ROBO1: variants seen among roughly 807,000 people sequenced by gnomAD.
ROBO1 encodes roundabout homolog 1.
A neutral mutation model predicts 195.9 loss-of-function variants in ROBO1; 149 were observed. That is an observed-to-expected ratio of 0.76 (90% CI 0.67 to 0.87). The LOEUF is 0.87. Among genes scored for constraint, ROBO1 ranks in the 40% least tolerant of loss-of-function variants. The pLI is 0.00. For synonymous variants in ROBO1, 816 were observed against 733.2 expected, an observed-to-expected ratio of 1.11 and a Z score of -1.82; for missense variants, 1,933 against 2,068.3, an observed-to-expected ratio of 0.93 and a Z score of 1.27.
At chr3:78,707,274 G>C (rs2081575984) in intron 8 of ROBO1, among the ~76,000 whole-genome samples, 1 of 152,092 alleles carries the variant, frequency 6.6e-6, no homozygotes, top group Non-Finnish European at 1.5e-5. Flanking sequence ...AGACAGCACG[G>C]GGCTTTTTTT....
chr3:79,736,146 GA>G (rs1321978377), intron 1 of ROBO1, among the ~76,000 whole-genome samples: 1 of 152,138 alleles, frequency 6.6e-6, no homozygotes, highest in East Asian at 1.9e-4. Flanking sequence ...TGAATGATAA[GA>G]AAAACCATCC....
intron 2 of ROBO1, among the ~76,000 whole-genome samples, chr3:79,567,951 T>C (rs572804634): frequency 4.6e-5 from 7 of 152,186 alleles, no homozygotes; most frequent in Non-Finnish European, 8.8e-5. Flanking sequence ...GATTTTATTA[T>C]ACCAATCTTT....
At chr3:79,391,921 C>G (rs2036966459) in intron 2 of ROBO1, among the ~76,000 whole-genome samples, 1 of 152,176 alleles carries the variant, frequency 6.6e-6, no homozygotes, top group African/African-American at 2.4e-5. Context: ...AGTATCACTT[C>G]TCCCTCGATT....
intron 3 of ROBO1, among the ~76,000 whole-genome samples, chr3:78,962,441 G>A (rs2041400491): frequency 6.6e-6 from 1 of 152,146 alleles, no homozygotes; most frequent in Admixed American, 6.5e-5. Context: ...AATTTGCAGT[G>A]AGCTGAGAGT....
intron 1 of ROBO1, among the ~76,000 whole-genome samples, chr3:79,720,209 A>G (rs1432600807): frequency 6.6e-6 from 1 of 152,186 alleles, no homozygotes; most frequent in Non-Finnish European, 1.5e-5. Flanking sequence ...GCTATGTCAT[A>G]AGAAGTTTTG....
intron 3 of ROBO1, among the ~76,000 whole-genome samples, chr3:78,975,706 T>C (rs1299690704): frequency 1.3e-5 from 2 of 152,176 alleles, no homozygotes; most frequent in East Asian, 1.9e-4. Flanking sequence ...AAATGAGCAA[T>C]GTTGAGGTCA....
chr3:78,672,351 G>A (rs915336168), intron 10 of ROBO1, among the ~76,000 whole-genome samples: 2 of 152,018 alleles, frequency 1.3e-5, no homozygotes, highest in Non-Finnish European at 1.5e-5. Flanking sequence ...GGCCAAGTAA[G>A]GTGGATTGCT....
rs2108495175 is a variant in ROBO1, at chr3:79,094,016, A to G, written c.172+31440T>C. ...TGGGTCACTTTTGGGCAGTAGCTTC[A>G]AGGGCACCATATGTGTAACCAAATT... On this transcript the variant is annotated intron_variant, in intron 3 of 30. Coordinates refer to ENST00000464233, the MANE Select transcript of ROBO1 (RefSeq NM_002941.4). Among the ~76,000 whole-genome samples the G allele has an allele frequency of 1.3e-5, 2 of 152,210 alleles. 1 individual carries two copies. Among genetic ancestry groups the G allele is most frequent in the African/African-American group, 4.8e-5 (2 of 41,544 alleles).
At chr3:79,677,259 G>A (rs1946810428) in intron 1 of ROBO1, among the ~76,000 whole-genome samples, 2 of 152,032 alleles carry the variant, frequency 1.3e-5, no homozygotes, top group Admixed American at 1.3e-4. Context: ...TTTGATGTAA[G>A]AAGCTGTGTT....
At chr3:79,428,280 C>T (rs907423262) in intron 2 of ROBO1, among the ~76,000 whole-genome samples, 2 of 151,700 alleles carry the variant, frequency 1.3e-5, no homozygotes, top group African/African-American at 4.8e-5. Context: ...TATGTACCCA[C>T]AAAAATTAAA....
intron 4 of ROBO1, among the ~76,000 whole-genome samples, chr3:78,920,589 G>A (rs1168847112): frequency 6.8e-6 from 1 of 146,236 alleles, no homozygotes; most frequent in Admixed American, 6.9e-5. Context: ...ACAGGCATGA[G>A]CCACCGTACC....
At chr3:79,230,437 A>G (rs985432047) in intron 2 of ROBO1, among the ~76,000 whole-genome samples, 8 of 152,062 alleles carry the variant, frequency 5.3e-5, no homozygotes, top group African/African-American at 1.4e-4. Flanking sequence ...CACCCCTTGC[A>G]GAGTCCCCTC....
intron 4 of ROBO1, among the ~76,000 whole-genome samples, chr3:78,837,872 G>A (rs544027820): frequency 6.6e-6 from 1 of 152,184 alleles, no homozygotes; most frequent in Admixed American, 6.5e-5. Flanking sequence ...GAATAGATGG[G>A]AAAATACATG....
chr3:78,809,651 T>C (rs1245358169), intron 4 of ROBO1, among the ~76,000 whole-genome samples: 2 of 99,764 alleles, frequency 2.0e-5, no homozygotes, highest in Non-Finnish European at 5.2e-5. Context: ...CATGGAATAC[T>C]ATGCAGCCAC....
rs368265495 is a variant in ROBO1, at chr3:79,289,965, C to CA, written c.89-164427dup. On this transcript the variant is annotated intron_variant, in intron 2 of 30. Transcript: ENST00000464233. ...CTGAAGGTACACATTTACAGAAGAA[C>CA]AAAAAAAAAATTGACCTTGAAATCC... Among the ~76,000 whole-genome samples the CA allele has an allele frequency of 8.4e-3, 1,239 of 148,296 alleles. 22 individuals carry two copies. The highest frequency in any genetic ancestry group is 0.027 in the African/African-American group (1,111 of 40,556).
At chr3:79,372,484 C>T (rs1328271054) in intron 2 of ROBO1, among the ~76,000 whole-genome samples, 3 of 152,220 alleles carry the variant, frequency 2.0e-5, no homozygotes, top group East Asian at 1.9e-4. Context: ...GCTGGGATTA[C>T]AGGAGTGAGC....
chr3:79,522,153 G>T (rs1941235940), intron 2 of ROBO1, among the ~76,000 whole-genome samples: 1 of 152,006 alleles, frequency 6.6e-6, no homozygotes, highest in Admixed American at 6.6e-5. Flanking sequence ...AATTGTTTTG[G>T]TATAATAAAT....
intron 2 of ROBO1, among the ~76,000 whole-genome samples, chr3:79,445,653 G>A (rs1482479753): frequency 1.3e-5 from 2 of 149,490 alleles, no homozygotes; most frequent in Non-Finnish European, 1.5e-5. Context: ...CACACCATCA[G>A]GCCTGGCAAT....
At chr3:79,546,933 G>C (rs749106306) in intron 2 of ROBO1, among the ~76,000 whole-genome samples, 3 of 152,042 alleles carry the variant, frequency 2.0e-5, no homozygotes, top group African/African-American at 2.4e-5. Flanking sequence ...TGTAATCCCA[G>C]CACCTTGGGA....
Sources: gnomAD v4.1 joint callset for allele counts (sites outside exome capture counted in the v4.1 genomes callset) on GRCh38, gnomAD v4.1.1 for gene constraint, MANE v1.5 for transcripts, NCBI Gene and HGNC (gene_info 2026-07-23, HGNC 2026-07-21) for gene names.